The following GRID1 variants were observed in gnomAD, a reference collection of about 807,000 sequenced individuals.
GRID1 encodes glutamate receptor ionotropic, delta-1.
Under a neutral mutation model 98.0 loss-of-function variants are expected in GRID1, and 28 were observed. The observed-to-expected ratio is 0.29, with a 90% confidence interval of 0.21 to 0.39. The LOEUF (loss-of-function observed/expected upper bound fraction) is 0.39. Ranked by LOEUF, GRID1 falls within the 10% of genes least tolerant of loss-of-function variation. GRID1 has a pLI of 1.00. For missense variants in GRID1, 1,111 were observed against 1,340.5 expected (o/e 0.83, Z 2.67); for synonymous variants, 553 against 538.5 (o/e 1.03, Z -0.37).
intron 2 of GRID1, among the ~76,000 whole-genome samples, chr10:86,324,787 T>A (rs1415607296): frequency 6.6e-6 from 1 of 150,974 alleles, no homozygotes; most frequent in Non-Finnish European, 1.5e-5. Flanking sequence ...CAAAAAAAAA[T>A]GAGATTTTTT....
chr10:86,264,173 G>T (rs769541379), intron 2 of GRID1, among the ~76,000 whole-genome samples: 1 of 152,072 alleles, frequency 6.6e-6, no homozygotes, highest in South Asian at 2.1e-4. Flanking sequence ...ACCACCCCAC[G>T]CTGGAGCTAA....
At chr10:85,671,274 A>C (rs1207827522) in intron 12 of GRID1, among the ~76,000 whole-genome samples, 1 of 152,236 alleles carries the variant, frequency 6.6e-6, no homozygotes, top group African/African-American at 2.4e-5. Context: ...ACCTGTGGCA[A>C]ACCTGTGTCA....
intron 6 of GRID1, among the ~76,000 whole-genome samples, chr10:85,860,306 A>G (rs1340873915): frequency 1.3e-5 from 2 of 152,248 alleles, no homozygotes; most frequent in African/African-American, 4.8e-5. Flanking sequence ...ACACTGCAGC[A>G]TAAAATTCCA....
At chr10:85,894,969 C>T (rs1249403532) in intron 5 of GRID1, among the ~76,000 whole-genome samples, 1 of 145,094 alleles carries the variant, frequency 6.9e-6, no homozygotes, top group Non-Finnish European at 1.5e-5. Context: ...GATTGTGTCA[C>T]TGCACCACAG....
At chr10:86,176,603 C>T (rs1845579464) in intron 3 of GRID1, among the ~76,000 whole-genome samples, 1 of 152,146 alleles carries the variant, frequency 6.6e-6, no homozygotes, top group Admixed American at 6.5e-5. Flanking sequence ...GGGAAAGGGT[C>T]CTGGATATGA....
intron 6 of GRID1, among the ~76,000 whole-genome samples, chr10:85,862,507 T>C (rs998193772): frequency 6.6e-6 from 1 of 152,168 alleles, no homozygotes; most frequent in South Asian, 2.1e-4. Flanking sequence ...AGCAGGATCC[T>C]GGCAAGGTAT....
intron 4 of GRID1, among the ~76,000 whole-genome samples, chr10:85,991,930 G>A (rs1842685554): frequency 6.6e-6 from 1 of 152,196 alleles, no homozygotes; most frequent in Non-Finnish European, 1.5e-5. Context: ...AGCAATGCAG[G>A]AGTGGATAGG....
intron 4 of GRID1, among the ~76,000 whole-genome samples, chr10:85,989,366 G>A (rs1564643860): frequency 1.3e-5 from 2 of 152,150 alleles, no homozygotes; most frequent in Non-Finnish European, 2.9e-5. Context: ...TAATACAGAG[G>A]GGTCCACAGC....
intron 8 of GRID1, among the ~76,000 whole-genome samples, chr10:85,839,241 G>A (rs1842940331): frequency 6.6e-6 from 1 of 151,802 alleles, no homozygotes; most frequent in Non-Finnish European, 1.5e-5. Context: ...AGCACTGAGA[G>A]AGGAAATTAA....
At chr10:85,766,983 T>TC (rs1842204110) in intron 8 of GRID1, among the ~76,000 whole-genome samples, 1 of 152,180 alleles carries the variant, frequency 6.6e-6, no homozygotes, top group African/African-American at 2.4e-5. Flanking sequence ...AGAGCCTTCC[T>TC]CTGTATATGC....
At chr10:85,637,760 A>T (rs993055767) in intron 13 of GRID1, among the ~76,000 whole-genome samples, 4 of 152,208 alleles carry the variant, frequency 2.6e-5, no homozygotes, top group African/African-American at 9.6e-5. Flanking sequence ...AGGCTTATAG[A>T]TTATAAAATA....
At position 85,795,776 on chromosome 10, in the gene GRID1, G is replaced by T. The variant is rs115676228; in HGVS notation, c.1233+58720C>A. On this transcript the variant is annotated intron_variant, in intron 8 of 15. Transcript: ENST00000327946. Reference sequence around the variant, plus strand: ...ATCTCAACATCTTACAGCAGGGCTTGCAGTTGCTTGCTGAGCAATCTAGAG... The same window carrying T: ...ATCTCAACATCTTACAGCAGGGCTTTCAGTTGCTTGCTGAGCAATCTAGAG... Among the ~76,000 whole-genome samples, 227 of 152,322 alleles carry T rather than the reference G, an allele frequency of 1.5e-3. 1 individual carries two copies. Among genetic ancestry groups the T allele is most frequent in the African/African-American group, 5.3e-3 (219 of 41,570 alleles).
chr10:86,263,758 T>G (rs1462409487), intron 2 of GRID1, among the ~76,000 whole-genome samples: 3 of 152,326 alleles, frequency 2.0e-5, no homozygotes, highest in African/African-American at 7.2e-5. Context: ...GGTTTTAAAA[T>G]ATTAATTTTT....
chr10:86,071,461 G>A (rs191853905), intron 4 of GRID1, among the ~76,000 whole-genome samples: 1 of 152,310 alleles, frequency 6.6e-6, no homozygotes, highest in Non-Finnish European at 1.5e-5. Flanking sequence ...ACTCTCACAG[G>A]TGCAACGTGA....
At chr10:86,275,210 A>G (rs866660391) in intron 2 of GRID1, among the ~76,000 whole-genome samples, 4 of 152,234 alleles carry the variant, frequency 2.6e-5, no homozygotes, top group Non-Finnish European at 5.9e-5. Context: ...TGATCACACA[A>G]GACAATGAAT....
chr10:85,961,792 T>C (rs1842271026), intron 4 of GRID1, among the ~76,000 whole-genome samples: 1 of 151,688 alleles, frequency 6.6e-6, no homozygotes, highest in African/African-American at 2.4e-5. Flanking sequence ...TTCCTTCTCC[T>C]TTTTCCCTTC....
intron 2 of GRID1, among the ~76,000 whole-genome samples, chr10:86,359,010 C>A (rs1848568641): frequency 6.6e-6 from 1 of 152,172 alleles, no homozygotes; most frequent in East Asian, 1.9e-4. Flanking sequence ...GGAAACAAAT[C>A]TTTCCTCCAG....
At chr10:86,127,412 C>T (rs967424120) in intron 4 of GRID1, among the ~76,000 whole-genome samples, 2 of 152,182 alleles carry the variant, frequency 1.3e-5, no homozygotes, top group African/African-American at 4.8e-5. Flanking sequence ...GTAACTAGCA[C>T]TCCTGAGAAG....
chr10:86,249,535 AC>A (rs1846786970), intron 2 of GRID1, among the ~76,000 whole-genome samples: 1 of 151,964 alleles, frequency 6.6e-6, no homozygotes, highest in African/African-American at 2.4e-5. Flanking sequence ...CTTGACTACC[AC>A]CCAAGCTCCT....
Sources: gnomAD v4.1 joint callset for allele counts (sites outside exome capture counted in the v4.1 genomes callset) on GRCh38, gnomAD v4.1.1 for gene constraint, MANE v1.5 for transcripts, NCBI Gene and HGNC (gene_info 2026-07-23, HGNC 2026-07-21) for gene names.